Variants in GPR176 observed in about 807,000 individuals in gnomAD.
GPR176 encodes the protein G protein-coupled receptor 176, also known as G-protein coupled receptor 176.
GPR176 carries 26 observed loss-of-function variants against 35.4 expected under a neutral mutation model. The observed-to-expected ratio is 0.74, with a 90% confidence interval of 0.54 to 1.02. The LOEUF is 1.02. Ranked by LOEUF, GPR176 falls within the 50% of genes least tolerant of loss-of-function variation. The pLI, the probability that GPR176 is intolerant of heterozygous loss-of-function variation, is 0.00. For synonymous variants in GPR176, 278 were observed against 271.3 expected (o/e 1.02, Z -0.24); for missense variants, 597 against 665.3 (o/e 0.90, Z 1.13).
rs537545185 is a variant in GPR176 at position 39,844,747 on chromosome 15, C to G, written c.173-37489G>C. 3.3e-5 allele frequency among the ~76,000 whole-genome samples: 5 copies of G among 152,144 alleles called. No homozygotes were observed. In the East Asian group the frequency reaches 9.7e-4, roughly 29 times the overall value. On this transcript the variant is annotated intron_variant, in intron 1 of 2. Transcript: ENST00000561100. ...CAGTACAAGGCTTTGAAGAATCAAA[C>G]CTGGGCAGCCCAACACTGATCGTGA...
intron 1 of GPR176, among the ~76,000 whole-genome samples, chr15:39,872,730 G>A (rs191417481): frequency 2.0e-5 from 3 of 152,160 alleles, no homozygotes; most frequent in East Asian, 3.9e-4. Context: ...TTGGTGGGGA[G>A]GTGCCACACG....
At chr15:39,881,459 G>A (rs890387146) in intron 1 of GPR176, among the ~76,000 whole-genome samples, 4 of 152,134 alleles carry the variant, frequency 2.6e-5, no homozygotes, top group South Asian at 2.1e-4. Flanking sequence ...GTCCAGTGGC[G>A]GGATTTGGCT....
chr15:39,891,320 G>C (rs1046035899), intron 1 of GPR176, among the ~76,000 whole-genome samples: 8 of 152,166 alleles, frequency 5.3e-5, no homozygotes, highest in Admixed American at 2.6e-4. Flanking sequence ...CCACTCTCAA[G>C]AGATGCTCTT....
At chr15:39,889,432 A>AGC (rs771291202) in intron 1 of GPR176, among the ~76,000 whole-genome samples, 5 of 152,024 alleles carry the variant, frequency 3.3e-5, no homozygotes, top group Non-Finnish European at 7.4e-5. Flanking sequence ...CTGTAATCCC[A>AGC]GCTACTTGGG....
chr15:39,852,782 C>CA (rs2140811244), intron 1 of GPR176, among the ~76,000 whole-genome samples: 1 of 152,304 alleles, frequency 6.6e-6, no homozygotes, highest in East Asian at 1.9e-4. Flanking sequence ...ATTAGGAACA[C>CA]AGTTTGTGTG....
chr15:39,914,336 A>G (rs1294584969), intron 1 of GPR176, among the ~76,000 whole-genome samples: 1 of 117,544 alleles, frequency 8.5e-6, no homozygotes. Context: ...TTTTTTGAGA[A>G]GGAGTCTCAC....
chr15:39,856,096 G>A (rs754612657), intron 1 of GPR176, among the ~76,000 whole-genome samples: 36 of 152,252 alleles, frequency 2.4e-4, no homozygotes, highest in Non-Finnish European at 3.4e-4. Flanking sequence ...TGCTCAAAAC[G>A]ACAGCAGTAT....
chr15:39,826,692 T>A (rs1189212099), intron 1 of GPR176, among the ~76,000 whole-genome samples: 2 of 152,304 alleles, frequency 1.3e-5, no homozygotes, highest in Admixed American at 6.5e-5. Flanking sequence ...ACAGCACACA[T>A]CAGCTCCTAT....
At chr15:39,865,608 A>G (rs2031796291) in intron 1 of GPR176, among the ~76,000 whole-genome samples, 1 of 152,170 alleles carries the variant, frequency 6.6e-6, no homozygotes. Context: ...TACAATGTAC[A>G]TTATTTGGAT....
At chr15:39,916,936 TACACAGATGTGTTTGAATGGG>T (rs1328259198) in intron 1 of GPR176, among the ~76,000 whole-genome samples, 1 of 152,170 alleles carries the variant, frequency 6.6e-6, no homozygotes, top group African/African-American at 2.4e-5. Flanking sequence ...AATTCTAATG[TACACAGATGTGTTTGAATGGG>T]ACAAGTCCTT....
At chr15:39,851,271 C>A (rs563249563) in intron 1 of GPR176, among the ~76,000 whole-genome samples, 1 of 152,256 alleles carries the variant, frequency 6.6e-6, no homozygotes, top group South Asian at 2.1e-4. Context: ...TTCACACAGG[C>A]TACAGTACTT....
chr15:39,892,523 C>T (rs189113879), intron 1 of GPR176, among the ~76,000 whole-genome samples: 1 of 152,354 alleles, frequency 6.6e-6, no homozygotes, highest in African/African-American at 2.4e-5. Flanking sequence ...CTCCCCTGGC[C>T]AGCTGCGAAT....
intron 1 of GPR176, among the ~76,000 whole-genome samples, chr15:39,857,262 C>T (rs1202444081): frequency 6.6e-6 from 1 of 152,200 alleles, no homozygotes; most frequent in Non-Finnish European, 1.5e-5. Flanking sequence ...GGCAGCAGGG[C>T]AAACTCATTA....
chr15:39,894,550 G>A, intron 1 of GPR176: 1 of 184,274 alleles, frequency 5.4e-6, no homozygotes, highest in Non-Finnish European at 1.1e-5. Context: ...CAGGGTCGCG[G>A]CCGGGCAGAG....
intron 1 of GPR176, among the ~76,000 whole-genome samples, chr15:39,842,695 C>T (rs941393717): frequency 6.6e-6 from 1 of 152,094 alleles, no homozygotes; most frequent in African/African-American, 2.4e-5. Context: ...CTGAATCTGC[C>T]TCTAAGATCA....
intron 1 of GPR176, among the ~76,000 whole-genome samples, chr15:39,906,122 C>T (rs979657943): frequency 6.6e-6 from 1 of 152,296 alleles, no homozygotes; most frequent in East Asian, 1.9e-4. Context: ...TGACGACCAG[C>T]CTTTATTAAA....
Position 39,887,599 on chromosome 15 carries a change from T to TAAAA in GPR176, c.172+32252_172+32255dup, listed in dbSNP as rs10561003. On this transcript the variant is annotated intron_variant, in intron 1 of 2. Coordinates refer to ENST00000561100, the MANE Select transcript of GPR176 (RefSeq NM_007223.3). ...CAGCATCCAACAGTTAATTTAAATT[T>TAAAA]AAAAAAAAAAAAAAAAAAGCTTGTC... 9.5e-3 allele frequency among the ~76,000 whole-genome samples: 1,350 copies of TAAAA among 141,854 alleles called. 14 individuals are homozygous for TAAAA. Among genetic ancestry groups the TAAAA allele is most frequent in the Middle Eastern group, 0.029 (8 of 276 alleles). 93.1% of individuals were successfully genotyped at this position (141,854 alleles called of 152,430 possible). A position where few individuals can be genotyped will look rare whatever the true frequency, so the allele number is the denominator to read the frequency against.
At chr15:39,910,755 C>T (rs2033556641) in intron 1 of GPR176, among the ~76,000 whole-genome samples, 1 of 151,978 alleles carries the variant, frequency 6.6e-6, no homozygotes, top group African/African-American at 2.4e-5. Context: ...TTTTATAAAA[C>T]AGCCAGGCTC....
At chr15:39,919,757 C>G (rs920380997) in intron 1 of GPR176, 98 bp downstream of exon 1, 116 of 951,410 alleles carry the variant, frequency 1.2e-4, no homozygotes, top group Middle Eastern at 1.0e-3. Flanking sequence ...CTTTGCCAGG[C>G]ACCCGAAACC....
Sources: allele counts gnomAD v4.1 joint callset (sites outside exome capture counted in the v4.1 genomes callset), GRCh38; gene constraint gnomAD v4.1.1; transcripts MANE v1.5; gene names NCBI Gene and HGNC (gene_info 2026-07-23, HGNC 2026-07-21).